Variants in PTPN9 observed in about 807,000 individuals in gnomAD.
PTPN9 encodes protein tyrosine phosphatase non-receptor type 9, also known as tyrosine-protein phosphatase non-receptor type 9.
PTPN9 carries 26 observed loss-of-function variants against 69.8 expected under a neutral mutation model. The ratio of observed to expected loss-of-function variants is 0.37; its 90% confidence interval spans 0.27 to 0.52. PTPN9 has a LOEUF of 0.52. Among genes scored for constraint, PTPN9 ranks in the 20% least tolerant of loss-of-function variants. PTPN9 has a pLI of 0.91. For missense variants in PTPN9, 549 were observed against 740.3 expected (o/e 0.74, Z 3.00); for synonymous variants, 274 against 272.5 (o/e 1.01, Z -0.05).
At chr15:75,542,859 T>A (rs915003631) in intron 1 of PTPN9, among the ~76,000 whole-genome samples, 36 of 152,130 alleles carry the variant, frequency 2.4e-4, no homozygotes, top group African/African-American at 5.8e-4. Context: ...TTTTTTTTTT[T>A]AATTATACTT....
chr15:75,526,354 C>T (rs1247850010), intron 2 of PTPN9, among the ~76,000 whole-genome samples: 1 of 152,038 alleles, frequency 6.6e-6, no homozygotes, highest in Non-Finnish European at 1.5e-5. Context: ...AAATAAGTAT[C>T]TGTTGAGTAA....
intron 10 of PTPN9, among the ~76,000 whole-genome samples, chr15:75,471,943 C>CA (rs907653753): frequency 4.0e-4 from 58 of 143,312 alleles, no homozygotes; most frequent in East Asian, 1.0e-3. Context: ...ACTCTTGTCT[C>CA]AAAAAAAAAA....
At chr15:75,570,905 T>C (rs1007256978) in intron 1 of PTPN9, among the ~76,000 whole-genome samples, 1 of 152,320 alleles carries the variant, frequency 6.6e-6, no homozygotes, top group Middle Eastern at 3.4e-3. Flanking sequence ...AGGGTGGATA[T>C]GAATATTTTT....
intron 1 of PTPN9, among the ~76,000 whole-genome samples, chr15:75,569,574 G>A (rs1019235430): frequency 4.6e-5 from 7 of 151,086 alleles, no homozygotes; most frequent in Admixed American, 2.6e-4. Flanking sequence ...GCGTGGTGGC[G>A]GGCACCTGTA....
chr15:75,492,880 C>T (rs904001261), intron 7 of PTPN9, among the ~76,000 whole-genome samples: 3 of 152,094 alleles, frequency 2.0e-5, no homozygotes, highest in South Asian at 2.1e-4. Flanking sequence ...AGGCTTGTCA[C>T]GGTGGCTCAT....
intron 1 of PTPN9, among the ~76,000 whole-genome samples, chr15:75,575,965 G>A (rs1216080651): frequency 6.7e-6 from 1 of 149,708 alleles, no homozygotes; most frequent in Non-Finnish European, 1.5e-5. Context: ...TGGGCACAGC[G>A]GCCCAGGCCT....
chr15:75,577,577 C>T (rs760114525), intron 1 of PTPN9, among the ~76,000 whole-genome samples: 15 of 152,114 alleles, frequency 9.9e-5, no homozygotes. Flanking sequence ...ATGTCATCTC[C>T]ACAAATAAGG....
chr15:75,513,005 A>T (rs2074851685), intron 5 of PTPN9: 1 of 402,194 alleles, frequency 2.5e-6, no homozygotes, highest in Admixed American at 3.1e-5. Context: ...CTTTTCTGTT[A>T]ATCCCTTGAG....
intron 5 of PTPN9, among the ~76,000 whole-genome samples, chr15:75,511,601 G>A (rs2074845439): frequency 6.6e-6 from 1 of 152,098 alleles, no homozygotes; most frequent in South Asian, 2.1e-4. Flanking sequence ...CATGGTATGA[G>A]ATGTAGGAAT....
intron 3 of PTPN9, 101 bp from the exon 4 acceptor site, chr15:75,523,346 CAG>C (rs1250336000): frequency 3.1e-6 from 4 of 1,279,956 alleles, no homozygotes; most frequent in Non-Finnish European, 4.3e-6. Flanking sequence ...ATGTAGAAAA[CAG>C]ATGCTAACAA....
chr15:75,486,398 C>T (rs2074677597), intron 8 of PTPN9, among the ~76,000 whole-genome samples: 1 of 152,128 alleles, frequency 6.6e-6, no homozygotes, highest in Non-Finnish European at 1.5e-5. Flanking sequence ...CTCACCCCTT[C>T]CCCTTCTGCC....
intron 1 of PTPN9, among the ~76,000 whole-genome samples, chr15:75,562,984 A>C (rs2075111310): frequency 6.6e-6 from 1 of 152,000 alleles, no homozygotes; most frequent in African/African-American, 2.4e-5. Flanking sequence ...TTTATTACAT[A>C]GGTAAATTGT....
Position 75,506,011 on chromosome 15 carries a change from G to T in PTPN9, c.640-8C>A, listed in dbSNP as rs1464828613. 2 of 1,595,234 alleles carry T rather than the reference G, an allele frequency of 1.3e-6. No individual in the cohort carries two copies. Among genetic ancestry groups the T allele is most frequent in the Non-Finnish European group, 1.7e-6 (2 of 1,164,666 alleles). On this transcript the variant is annotated splice_polypyrimidine_tract_variant and splice_region_variant and intron_variant, in intron 6 of 12. Transcript: ENST00000618819. ...TGTCTTTAATATTTGAATCTGGAAG[G>T]TTAGAAAGAACCATGTGAGTATGTG...
At chr15:75,499,399 CTTTTTTTTTT>C (rs71440245) in intron 7 of PTPN9, among the ~76,000 whole-genome samples, 3 of 84,536 alleles carry the variant, frequency 3.5e-5, no homozygotes, top group East Asian at 3.5e-4. Flanking sequence ...TCTAAACCCA[CTTTTTTTTTT>C]TTTTTTTTTT....
intron 11 of PTPN9, 88 bp from the exon 12 acceptor site, chr15:75,470,087 GT>G: frequency 8.2e-7 from 1 of 1,222,782 alleles, no homozygotes. Flanking sequence ...CAACACCCTG[GT>G]TATCCCTACC....
chr15:75,557,808 A>G (rs1419190454), intron 1 of PTPN9, among the ~76,000 whole-genome samples: 3 of 152,338 alleles, frequency 2.0e-5, no homozygotes, highest in Admixed American at 6.5e-5. Flanking sequence ...ATGGTTTAGC[A>G]GTTCCATTCA....
intron 7 of PTPN9, among the ~76,000 whole-genome samples, chr15:75,492,112 A>G (rs1355779053): frequency 2.0e-5 from 3 of 152,058 alleles, no homozygotes; most frequent in South Asian, 2.1e-4. Flanking sequence ...GGCTCAAGCA[A>G]TCCTCCCGCC....
intron 1 of PTPN9, among the ~76,000 whole-genome samples, chr15:75,576,240 G>A (rs1281037064): frequency 2.0e-5 from 3 of 151,178 alleles, no homozygotes; most frequent in Non-Finnish European, 2.9e-5. Flanking sequence ...AAAAACAAAA[G>A]GGTACTTCTG....
chr15:75,548,866 A>G (rs1292906765), intron 1 of PTPN9, among the ~76,000 whole-genome samples: 1 of 150,768 alleles, frequency 6.6e-6, no homozygotes, highest in South Asian at 2.1e-4. Flanking sequence ...TGTTAGCCAG[A>G]ATGGTCTCGA....
Sources: allele counts gnomAD v4.1 joint callset (sites outside exome capture counted in the v4.1 genomes callset), GRCh38; gene constraint gnomAD v4.1.1; transcripts MANE v1.5; gene names NCBI Gene and HGNC (gene_info 2026-07-23, HGNC 2026-07-21).